NCKAP5: variants seen among roughly 807,000 people sequenced by gnomAD.
NCKAP5 encodes nck-associated protein 5.
A neutral mutation model predicts 167.0 loss-of-function variants in NCKAP5; 92 were observed. The ratio of observed to expected loss-of-function variants is 0.55; its 90% CI spans 0.47 to 0.66. The LOEUF (loss-of-function observed/expected upper bound fraction) is 0.66. Among genes scored for constraint, NCKAP5 ranks in the 30% least tolerant of loss-of-function variants. The pLI is 0.00. For missense variants in NCKAP5, 2,378 were observed against 2,315.0 expected (o/e 1.03, Z -0.56); for synonymous variants, 891 against 877.4 (o/e 1.02, Z -0.27).
chr2:133,475,595 G>A (rs1002245621), intron 3 of NCKAP5, among the ~76,000 whole-genome samples: 5 of 152,104 alleles, frequency 3.3e-5, no homozygotes, highest in East Asian at 1.9e-4. Context: ...AATAGCAGGC[G>A]ATATCTTATT....
chr2:132,754,802 C>T (rs527960448), intron 16 of NCKAP5, among the ~76,000 whole-genome samples: 1 of 152,270 alleles, frequency 6.6e-6, no homozygotes, highest in East Asian at 1.9e-4. Flanking sequence ...TTTTAAAAAA[C>T]AGGCCAGGGA....
At chr2:132,918,687 C>T (rs1695075949) in intron 8 of NCKAP5, among the ~76,000 whole-genome samples, 1 of 151,770 alleles carries the variant, frequency 6.6e-6, no homozygotes, top group Non-Finnish European at 1.5e-5. Context: ...AAAATAAGAA[C>T]AAAAAAGACA....
At chr2:133,253,471 A>G (rs2088454656) in intron 4 of NCKAP5, among the ~76,000 whole-genome samples, 1 of 152,250 alleles carries the variant, frequency 6.6e-6, no homozygotes, top group Admixed American at 6.5e-5. Flanking sequence ...AAAGGCAGAA[A>G]GTGGCAGAGC....
chr2:133,062,314 G>A (rs544024657), intron 6 of NCKAP5, among the ~76,000 whole-genome samples: 1 of 152,258 alleles, frequency 6.6e-6, no homozygotes, highest in Non-Finnish European at 1.5e-5. Flanking sequence ...ATGAGGCTTG[G>A]CCTTGTGTCT....
chr2:132,806,533 T>C (rs1460533294), intron 11 of NCKAP5, among the ~76,000 whole-genome samples: 1 of 152,196 alleles, frequency 6.6e-6, no homozygotes, highest in African/African-American at 2.4e-5. Context: ...ATATTGAGCA[T>C]TTTTTCATAT....
At chr2:133,372,291 G>A (rs569499074) in intron 3 of NCKAP5, among the ~76,000 whole-genome samples, 1 of 152,302 alleles carries the variant, frequency 6.6e-6, no homozygotes, top group East Asian at 1.9e-4. Context: ...TTTCATTATA[G>A]AATAATGGGC....
intron 4 of NCKAP5, among the ~76,000 whole-genome samples, chr2:133,236,697 T>C (rs772960527): frequency 3.9e-5 from 6 of 152,244 alleles, no homozygotes; most frequent in Non-Finnish European, 7.3e-5. Context: ...GTTAACATTG[T>C]TAGACAATAT....
chr2:132,976,925 A>G (rs1445525220), intron 7 of NCKAP5, among the ~76,000 whole-genome samples: 1 of 152,202 alleles, frequency 6.6e-6, no homozygotes, highest in East Asian at 1.9e-4. Context: ...AAATAGTTAT[A>G]TATCTTCTAA....
chr2:132,729,057 A>T, intron 17 of NCKAP5, 105 bp from the exon 18 acceptor site: 4 of 1,450,324 alleles, frequency 2.8e-6, no homozygotes, highest in Non-Finnish European at 3.8e-6. Flanking sequence ...AAAAAGGTCC[A>T]AATACAGTGA....
intron 4 of NCKAP5, among the ~76,000 whole-genome samples, chr2:133,236,656 T>C (rs1485491170): frequency 1.3e-5 from 2 of 152,230 alleles, no homozygotes; most frequent in Non-Finnish European, 2.9e-5. Flanking sequence ...TAATTTAAAA[T>C]CCATCAAAAG....
At chr2:133,552,762 GAA>G (rs35517588) in intron 2 of NCKAP5, among the ~76,000 whole-genome samples, 1 of 147,362 alleles carries the variant, frequency 6.8e-6, no homozygotes, top group Non-Finnish European at 1.5e-5. Flanking sequence ...AAAAGAAAAA[GAA>G]AAAAAAAAGA....
intron 6 of NCKAP5, among the ~76,000 whole-genome samples, chr2:133,031,475 T>C (rs1181325135): frequency 1.3e-5 from 2 of 152,178 alleles, no homozygotes; most frequent in African/African-American, 4.8e-5. Context: ...ACCTTGCCAC[T>C]GAGGGCCACA....
chr2:133,325,998 C>G (rs1216642140), intron 3 of NCKAP5, among the ~76,000 whole-genome samples: 1 of 152,204 alleles, frequency 6.6e-6, no homozygotes, highest in Non-Finnish European at 1.5e-5. Flanking sequence ...ATGGCTGTCA[C>G]TAGAGGGCCA....
intron 6 of NCKAP5, among the ~76,000 whole-genome samples, chr2:133,055,249 A>G (rs1182834289): frequency 1.3e-5 from 2 of 152,126 alleles, no homozygotes; most frequent in African/African-American, 4.8e-5. Context: ...TCATCCAAAA[A>G]ACAAAAAAAG....
intron 7 of NCKAP5, among the ~76,000 whole-genome samples, chr2:132,983,750 A>G (rs2077206433): frequency 6.6e-6 from 1 of 151,952 alleles, no homozygotes. Flanking sequence ...TACTATCTCC[A>G]CCCTTTCAGG....
chr2:133,160,910 A>G (rs1254592852), intron 5 of NCKAP5, among the ~76,000 whole-genome samples: 1 of 152,146 alleles, frequency 6.6e-6, no homozygotes, highest in Non-Finnish European at 1.5e-5. Context: ...GTAATCACTG[A>G]ACTGATATCC....
chr2:133,112,937 T>C (rs2081962825), intron 6 of NCKAP5, among the ~76,000 whole-genome samples: 1 of 152,184 alleles, frequency 6.6e-6, no homozygotes, highest in Non-Finnish European at 1.5e-5. Context: ...CCTTACACTT[T>C]TAGCAAATGG....
chr2:133,407,682 C>T (rs1415344760), intron 3 of NCKAP5, among the ~76,000 whole-genome samples: 1 of 152,122 alleles, frequency 6.6e-6, no homozygotes, highest in African/African-American at 2.4e-5. Context: ...AGCAAAGATA[C>T]CAAGTAAGTG....
At chr2:133,594,717 G>T in the NCKAP5 span, among the ~76,000 whole-genome samples, 5 of 152,060 alleles carry the variant, frequency 3.3e-5, no homozygotes, top group Non-Finnish European at 7.4e-5. Context: ...GAGAGAACAA[G>T]ATACACAAAT....
Sources: gnomAD v4.1 joint callset for allele counts (sites outside exome capture counted in the v4.1 genomes callset) on GRCh38, gnomAD v4.1.1 for gene constraint, MANE v1.5 for transcripts, NCBI Gene and HGNC (gene_info 2026-07-23, HGNC 2026-07-21) for gene names.